Variants in ZNF652 observed in about 807,000 individuals in gnomAD.
The protein encoded by ZNF652 is zinc finger protein 652.
A neutral mutation model predicts 45.2 loss-of-function variants in ZNF652; 16 were observed. That is an observed-to-expected ratio of 0.35 (90% CI 0.24 to 0.54). The LOEUF is 0.54. Ranked by LOEUF, ZNF652 falls within the 20% of genes least tolerant of loss-of-function variation. The pLI is 0.91. For missense variants in ZNF652, 614 were observed against 765.6 expected (o/e 0.80, Z 2.34); for synonymous variants, 250 against 260.6 (o/e 0.96, Z 0.39).
At position 49,298,182 on chromosome 17, in the gene ZNF652, A is replaced by G. The variant is rs1298579526; in HGVS notation, c.*231T>C. ...CTTATAAAAGTCATCAGAAAATGCA[A>G]GCAAATTGGGCTTTAGTTCAGTGGT... On this transcript the variant is annotated 3_prime_UTR_variant, in exon 6 of 6. Coordinates refer to ENST00000430262, the MANE Select transcript of ZNF652 (RefSeq NM_001145365.3). 5.4e-6 allele frequency: 3 copies of G among 552,292 alleles called. No homozygotes were observed. The highest frequency in any genetic ancestry group is 3.8e-5 in the African/African-American group (2 of 52,458). 34.2% of individuals were successfully genotyped at this position (552,292 alleles called of 1,614,324 possible).
chr17:49,307,266 TA>T (rs1306782154), intron 5 of ZNF652, among the ~76,000 whole-genome samples: 18 of 150,304 alleles, frequency 1.2e-4, no homozygotes, highest in Non-Finnish European at 1.9e-4. Context: ...ACCCCGTTTC[TA>T]CTAAAAATAA....
In ZNF652 at chr17:49,311,444, T is replaced by G; in HGVS notation, c.1177A>C (p.Arg393=). 6.2e-7 allele frequency: 1 copy of G among 1,614,002 alleles called. No individual in the cohort carries two copies. The highest frequency in any genetic ancestry group is 8.5e-7 in the Non-Finnish European group (1 of 1,179,914). The change falls in exon 5 of 6, where the codon AGG becomes CGG. Residue 393 remains arginine (R), a synonymous_variant. Transcript: ENST00000430262. ...CGTAGCTGGTACTTGTACTGAAACC[T>G]TTCGTCACAGTTCTGCATTGGATAC... is the stretch of plus-strand genomic sequence containing the variant. ...KPFRCENCDE[R]FQYKYQLRSH...
chr17:49,349,634 T>C (rs1034206004), intron 1 of ZNF652, among the ~76,000 whole-genome samples: 1 of 152,206 alleles, frequency 6.6e-6, no homozygotes, highest in African/African-American at 2.4e-5. Flanking sequence ...GACTCTTGAC[T>C]ACTACTCTCA....
intron 1 of ZNF652, among the ~76,000 whole-genome samples, chr17:49,334,270 C>T (rs1262291417): frequency 6.6e-6 from 1 of 152,094 alleles, no homozygotes; most frequent in Non-Finnish European, 1.5e-5. Context: ...CACTTGAGCC[C>T]AGGAGTTTGC....
intron 5 of ZNF652, among the ~76,000 whole-genome samples, chr17:49,303,860 C>G (rs1447025003): frequency 6.6e-6 from 1 of 151,404 alleles, no homozygotes; most frequent in Non-Finnish European, 1.5e-5. Flanking sequence ...TCCTGGACCT[C>G]TCTAATCATC....
intron 1 of ZNF652, among the ~76,000 whole-genome samples, chr17:49,333,175 A>C (rs2070042859): frequency 1.3e-5 from 2 of 151,060 alleles, no homozygotes; most frequent in South Asian, 2.1e-4. Flanking sequence ...CTCCTGCCTC[A>C]GCCTCCCGAG....
chr17:49,346,116 G>C (rs910811062), intron 1 of ZNF652, among the ~76,000 whole-genome samples: 1 of 152,190 alleles, frequency 6.6e-6, no homozygotes, highest in Non-Finnish European at 1.5e-5. Context: ...CTCACAATTA[G>C]TTTATAAATA....
At chr17:49,344,334 T>C (rs1363746836) in intron 1 of ZNF652, among the ~76,000 whole-genome samples, 1 of 151,866 alleles carries the variant, frequency 6.6e-6, no homozygotes, top group Non-Finnish European at 1.5e-5. Context: ...CACTGCACTC[T>C]AGCCTGGGCA....
rs576525904 is a variant in ZNF652, at chr17:49,340,283, C to T, written c.-259+21626G>A. ...TAGAAAAATTAATCCCAGCTGGGCA[C>T]GGTGGCTCACACCTATAATCCCAGC... On this transcript the variant is annotated intron_variant, in intron 1 of 5. Coordinates refer to ENST00000430262, the MANE Select transcript of ZNF652 (RefSeq NM_001145365.3). 7.2e-5 allele frequency among the ~76,000 whole-genome samples: 11 copies of T among 152,078 alleles called. No individual in the cohort carries two copies. The East Asian group carries it at 1.9e-3, about 27-fold the overall frequency.
rs1567909118 is a variant in ZNF652, at chr17:49,295,034, C to T, written c.*3379G>A. 1 of 151,974 alleles carries T rather than the reference C, an allele frequency of 6.6e-6. No individual in the cohort carries two copies. Among genetic ancestry groups the T allele is most frequent in the Admixed American group, 6.6e-5 (1 of 15,258 alleles). The allele number at this position is 151,974 out of a possible 1,614,324, so 9.4% of individuals were successfully genotyped here. ...GAGTTTGAGTCTTAAGCATGTTAAA[C>T]GTGTTGCACATATATGTTTAAGGCT... On this transcript the variant is annotated 3_prime_UTR_variant, in exon 6 of 6. Coordinates refer to ENST00000430262, the MANE Select transcript of ZNF652 (RefSeq NM_001145365.3).
intron 1 of ZNF652, among the ~76,000 whole-genome samples, chr17:49,332,261 T>C (rs1053359058): frequency 1.3e-5 from 2 of 152,066 alleles, no homozygotes; most frequent in Non-Finnish European, 2.9e-5. Flanking sequence ...TGCCTCAAAA[T>C]AAATAAATAA....
intron 5 of ZNF652, among the ~76,000 whole-genome samples, chr17:49,309,228 A>C (rs1367505192): frequency 6.7e-6 from 1 of 150,154 alleles, no homozygotes; most frequent in Non-Finnish European, 1.5e-5. Flanking sequence ...GTGCTGGCTC[A>C]CGCCTGTAAT....
chr17:49,349,412 AAAC>A, intron 1 of ZNF652, among the ~76,000 whole-genome samples: 1 of 152,338 alleles, frequency 6.6e-6, no homozygotes, highest in Middle Eastern at 3.4e-3. Context: ...AAAGAAAAAA[AAAC>A]AACAAAACAA....
At chr17:49,289,000 C>G (rs185264339), downstream of ZNF652, among the ~76,000 whole-genome samples, 1 of 152,186 alleles carries the variant, frequency 6.6e-6, no homozygotes, top group Admixed American at 6.5e-5. Flanking sequence ...CTTTGGTTAA[C>G]AGCCTTGAAA....
In ZNF652 at chr17:49,333,063, A is replaced by T. The variant is rs571279208; in HGVS notation, c.-258-15080T>A. ...CTGAAAAAAATAATAAAATAAAATA[A>T]TTTTTTTTTTTTGAGACAGAGTCTC... On this transcript the variant is annotated intron_variant, in intron 1 of 5. Coordinates refer to ENST00000430262, the MANE Select transcript of ZNF652 (RefSeq NM_001145365.3). Among the ~76,000 whole-genome samples, 13 of 146,550 alleles carry T rather than the reference A, an allele frequency of 8.9e-5. No individual in the cohort carries two copies. The East Asian group carries it at 1.2e-3, about 14-fold the overall frequency.
Position 49,298,268 on chromosome 17 carries a change from T to G in ZNF652, c.*145A>C. On this transcript the variant is annotated 3_prime_UTR_variant, in exon 6 of 6. Transcript: ENST00000430262. ...AAGGTAGTCTTCTTGTTCATTCCCT[T>G]GGATCTGTTGATTCAGTGACACTGG... 1 of 1,007,242 alleles carries G rather than the reference T, an allele frequency of 9.9e-7. No individual in the cohort carries two copies. Among genetic ancestry groups the G allele is most frequent in the Non-Finnish European group, 1.4e-6 (1 of 700,492 alleles). The allele number at this position is 1,007,242 out of a possible 1,614,324, so 62.4% of individuals were successfully genotyped here. A position where few individuals can be genotyped will look rare whatever the true frequency, so the allele number is the denominator to read the frequency against.
At chr17:49,359,841 T>C (rs762552830) in intron 1 of ZNF652, among the ~76,000 whole-genome samples, 1 of 152,010 alleles carries the variant, frequency 6.6e-6, no homozygotes, top group Non-Finnish European at 1.5e-5. Flanking sequence ...CATTAAGACA[T>C]GAAATCACAG....
intron 1 of ZNF652, among the ~76,000 whole-genome samples, chr17:49,348,308 T>G (rs925990006): frequency 6.6e-6 from 1 of 151,434 alleles, no homozygotes; most frequent in Non-Finnish European, 1.5e-5. Flanking sequence ...CTGGGCAACA[T>G]AGTGAGACCC....
chr17:49,311,136 T>G (rs1024778816), intron 5 of ZNF652, among the ~76,000 whole-genome samples, 176 bp downstream of exon 5: 1 of 152,218 alleles, frequency 6.6e-6, no homozygotes, highest in Admixed American at 6.5e-5. Context: ...AATCAGTTAT[T>G]AAAGTTAAAT....
Sources: allele counts gnomAD v4.1 joint callset (sites outside exome capture counted in the v4.1 genomes callset), GRCh38; gene constraint gnomAD v4.1.1; transcripts MANE v1.5; gene names NCBI Gene and HGNC (gene_info 2026-07-23, HGNC 2026-07-21).